CYYR1: variants seen among roughly 807,000 people sequenced by gnomAD.
The protein encoded by CYYR1 is cysteine and tyrosine-rich protein 1.
Under a neutral mutation model 15.2 loss-of-function variants are expected in CYYR1, and 14 were observed. That is an observed-to-expected ratio of 0.92 (90% CI 0.61 to 1.44). The LOEUF is 1.44. Ranked by LOEUF, CYYR1 falls within the 40% of genes most tolerant of loss-of-function variation. The pLI, the probability that CYYR1 is intolerant of heterozygous loss-of-function variation, is 0.00. For missense variants in CYYR1, 228 were observed against 209.5 expected, an observed-to-expected ratio of 1.09 and a Z score of -0.54; for synonymous variants, 80 against 77.4, an observed-to-expected ratio of 1.03 and a Z score of -0.18.
chr21:26,530,607 C>A (rs1274614241), intron 2 of CYYR1, among the ~76,000 whole-genome samples: 1 of 152,004 alleles, frequency 6.6e-6, no homozygotes, highest in Non-Finnish European at 1.5e-5. Context: ...TGTTATCCCT[C>A]CCCTATCCCC....
chr21:26,508,409 T>A (rs1310605410), intron 2 of CYYR1, among the ~76,000 whole-genome samples: 1 of 152,006 alleles, frequency 6.6e-6, no homozygotes, highest in Non-Finnish European at 1.5e-5. Context: ...AGATTTGAGG[T>A]TGGGTTGGAT....
intron 2 of CYYR1, among the ~76,000 whole-genome samples, chr21:26,501,885 A>G (rs1304593268): frequency 1.3e-5 from 2 of 152,212 alleles, no homozygotes; most frequent in African/African-American, 2.4e-5. Flanking sequence ...TAAAAGTGTC[A>G]AAGGATAAGT....
chr21:26,497,734 T>C (rs558441319), intron 2 of CYYR1, among the ~76,000 whole-genome samples: 15 of 152,208 alleles, frequency 9.9e-5, no homozygotes, highest in Non-Finnish European at 1.5e-4. Context: ...AATGATATCC[T>C]AATAATGTAA....
At chr21:26,570,508 G>A (rs1980941445) in intron 1 of CYYR1, among the ~76,000 whole-genome samples, 1 of 152,226 alleles carries the variant, frequency 6.6e-6, no homozygotes, top group African/African-American at 2.4e-5. Flanking sequence ...GTAGCCTGCA[G>A]TGGGAGTCAG....
chr21:26,559,461 T>C (rs961105784), intron 2 of CYYR1, among the ~76,000 whole-genome samples: 1 of 152,200 alleles, frequency 6.6e-6, no homozygotes, highest in Non-Finnish European at 1.5e-5. Context: ...ACTCACCATT[T>C]TAAAGTGTAC....
intron 2 of CYYR1, among the ~76,000 whole-genome samples, chr21:26,512,538 A>G (rs1302658026): frequency 1.3e-5 from 2 of 152,108 alleles, no homozygotes; most frequent in East Asian, 3.9e-4. Context: ...GCTACATCCT[A>G]GGGGCCAGAT....
intron 2 of CYYR1, among the ~76,000 whole-genome samples, chr21:26,524,736 A>G (rs1223606789): frequency 6.6e-6 from 1 of 152,222 alleles, no homozygotes; most frequent in Non-Finnish European, 1.5e-5. Context: ...ATAACCATGT[A>G]CCCATTATCA....
intron 2 of CYYR1, among the ~76,000 whole-genome samples, chr21:26,484,100 A>T (rs539636873): frequency 4.6e-5 from 7 of 152,122 alleles, no homozygotes; most frequent in Admixed American, 6.6e-5. Context: ...TACACTACGC[A>T]TTGTGAAATA....
At chr21:26,537,140 G>A (rs1445840566) in intron 2 of CYYR1, among the ~76,000 whole-genome samples, 3 of 152,120 alleles carry the variant, frequency 2.0e-5, no homozygotes, top group Non-Finnish European at 4.4e-5. Context: ...GAGGAGCATA[G>A]GAGTAAATAT....
chr21:26,558,863 A>T (rs920963152), intron 2 of CYYR1, among the ~76,000 whole-genome samples: 1 of 152,102 alleles, frequency 6.6e-6, no homozygotes, highest in African/African-American at 2.4e-5. Flanking sequence ...TACTCTATCC[A>T]CTTGGTCTTC....
chr21:26,509,623 C>T (rs1424376845), intron 2 of CYYR1, among the ~76,000 whole-genome samples: 1 of 152,164 alleles, frequency 6.6e-6, no homozygotes, highest in African/African-American at 2.4e-5. Flanking sequence ...CTTCCTCAGT[C>T]AAAGCCTGCT....
chr21:26,500,667 T>G (rs1170663648), intron 2 of CYYR1, among the ~76,000 whole-genome samples: 1 of 151,862 alleles, frequency 6.6e-6, no homozygotes, highest in African/African-American at 2.4e-5. Flanking sequence ...GGGCCTGCAC[T>G]GGGGGTGGGG....
chr21:26,540,442 C>T lies in CYYR1; in HGVS notation c.176+25824G>A, dbSNP rs538587590. Among the ~76,000 whole-genome samples the T allele has an allele frequency of 1.4e-4, 22 of 152,096 alleles. No homozygotes were observed. The East Asian group carries it at 3.3e-3, about 23-fold the overall frequency. On this transcript the variant is annotated intron_variant, in intron 2 of 3. Coordinates refer to ENST00000652641, the MANE Select transcript of CYYR1 (RefSeq NM_001320768.2). ...AACCAGGGGACAGAGTTTAGAACTA[C>T]GAAAACAGACGAAAAGTGAGAGGGG...
At chr21:26,483,926 T>C (rs1190623281) in intron 2 of CYYR1, among the ~76,000 whole-genome samples, 1 of 152,076 alleles carries the variant, frequency 6.6e-6, no homozygotes, top group Non-Finnish European at 1.5e-5. Context: ...TCATGAGTCT[T>C]GTGCTCCTGG....
At chr21:26,566,636 T>C (rs2048755266) in intron 1 of CYYR1, among the ~76,000 whole-genome samples, 1 of 152,120 alleles carries the variant, frequency 6.6e-6, no homozygotes, top group Non-Finnish European at 1.5e-5. Context: ...AATGAGATAA[T>C]GAAGGAAGGA....
chr21:26,569,856 A>G (rs1489621194), intron 1 of CYYR1, among the ~76,000 whole-genome samples: 1 of 152,196 alleles, frequency 6.6e-6, no homozygotes, highest in Non-Finnish European at 1.5e-5. Flanking sequence ...CAGGAAACCA[A>G]GCCCAAAATG....
intron 1 of CYYR1, among the ~76,000 whole-genome samples, chr21:26,567,369 G>A (rs1246583341): frequency 2.0e-5 from 3 of 152,036 alleles, no homozygotes; most frequent in Admixed American, 1.3e-4. Flanking sequence ...TATGTGAAGG[G>A]GGAAGAGTTA....
At chr21:26,487,366 G>A (rs946712503) in intron 2 of CYYR1, among the ~76,000 whole-genome samples, 5 of 151,926 alleles carry the variant, frequency 3.3e-5, no homozygotes, top group African/African-American at 1.2e-4. Context: ...TTATTTATTT[G>A]TGATGATACA....
Position 26,488,024 on chromosome 21 carries a change from A to G in CYYR1, c.177-7595T>C, listed in dbSNP as rs141667821. Among the ~76,000 whole-genome samples the G allele has an allele frequency of 1.9e-3, 282 of 150,638 alleles. 2 individuals carry two copies. Among genetic ancestry groups the G allele is most frequent in the African/African-American group, 6.5e-3 (267 of 41,032 alleles). ...ACTCCCCTTAATAACTTCACTCAAT[A>G]TATCCTCTTTCTTGGGGCTTTATAG... On this transcript the variant is annotated intron_variant, in intron 2 of 3. Coordinates refer to ENST00000652641, the MANE Select transcript of CYYR1 (RefSeq NM_001320768.2).
Sources: allele counts gnomAD v4.1 joint callset (sites outside exome capture counted in the v4.1 genomes callset), GRCh38; gene constraint gnomAD v4.1.1; transcripts MANE v1.5; gene names NCBI Gene and HGNC (gene_info 2026-07-23, HGNC 2026-07-21).